The following OR2L13 variants were observed in gnomAD, a reference collection of about 807,000 sequenced individuals.
OR2L13 encodes the protein olfactory receptor family 2 subfamily L member 13, also known as olfactory receptor 2L13.
A neutral mutation model predicts 15.3 loss-of-function variants in OR2L13; 14 were observed. The ratio of observed to expected loss-of-function variants is 0.91; its 90% confidence interval spans 0.60 to 1.43. The LOEUF (loss-of-function observed/expected upper bound fraction) is 1.43. OR2L13 is among the 40% of genes most tolerant of loss of function. The pLI is 0.00. For missense variants in OR2L13, 367 were observed against 387.9 expected (o/e 0.95, Z 0.45); for synonymous variants, 152 against 142.9 (o/e 1.06, Z -0.45).
the OR2L13 span, among the ~76,000 whole-genome samples, chr1:247,981,512 AT>A: frequency 6.6e-6 from 1 of 152,176 alleles, no homozygotes; most frequent in East Asian, 1.9e-4. Flanking sequence ...TTTAATTTTT[AT>A]ATTGTGTTTA....
At chr1:248,090,506 T>G (rs1245948261), upstream of OR2L13, among the ~76,000 whole-genome samples, 1 of 152,168 alleles carries the variant, frequency 6.6e-6, no homozygotes, top group Non-Finnish European at 1.5e-5. Context: ...GTACTTAATG[T>G]TTAGCTCCCA....
chr1:248,046,012 A>G, the OR2L13 span: 1 of 152,202 alleles, frequency 6.6e-6, no homozygotes, highest in Non-Finnish European at 1.5e-5. Flanking sequence ...AAAAATTAAA[A>G]TGAACCAATA....
the OR2L13 span, among the ~76,000 whole-genome samples, chr1:248,034,620 C>G: frequency 6.6e-6 from 1 of 152,062 alleles, no homozygotes; most frequent in African/African-American, 2.4e-5. Context: ...GAATGTATTT[C>G]CATTTATCTG....
chr1:248,010,835 C>G, the OR2L13 span, among the ~76,000 whole-genome samples: 1 of 99,560 alleles, frequency 1.0e-5, no homozygotes, highest in Non-Finnish European at 1.9e-5. Flanking sequence ...TATTTTGAGT[C>G]TATGTGTGTC....
chr1:248,047,372 T>A, the OR2L13 span, among the ~76,000 whole-genome samples: 1 of 152,166 alleles, frequency 6.6e-6, no homozygotes, highest in African/African-American at 2.4e-5. Flanking sequence ...ATGAAATGCC[T>A]GGAAAGTATT....
At chr1:248,069,535 G>T in the OR2L13 span, among the ~76,000 whole-genome samples, 1 of 152,124 alleles carries the variant, frequency 6.6e-6, no homozygotes, top group African/African-American at 2.4e-5. Flanking sequence ...AAATTGTAAA[G>T]ACCATCGATG....
chr1:248,038,823 C>T, the OR2L13 span: 1 of 1,614,170 alleles, frequency 6.2e-7, no homozygotes, highest in Non-Finnish European at 8.5e-7. Flanking sequence ...TATGTTGACG[C>T]TAGCCTGCAC....
chr1:248,100,225 C>T lies in OR2L13; in HGVS notation c.850C>T (p.Leu284Phe), dbSNP rs375019498. The T allele has an allele frequency of 1.5e-5, 24 of 1,613,166 alleles. No individual in the cohort carries two copies. The highest frequency in any genetic ancestry group is 1.7e-5 in the Non-Finnish European group (20 of 1,179,270). Residue 284 changes from leucine to phenylalanine, a missense_variant, in exon 3 of 3, where the codon CTC becomes TTC. Coordinates refer to ENST00000641714, the Ensembl canonical transcript of OR2L13. ...CTTCTACACCATCCTTACCCCCATGCTCAATCCCATTATCTACAGCCTGAG... is the reference window on the plus strand; with the variant it reads ...CTTCTACACCATCCTTACCCCCATGTTCAATCCCATTATCTACAGCCTGAG...
At chr1:248,022,049 C>T in the OR2L13 span, 1 of 1,613,914 alleles carries the variant, frequency 6.2e-7, no homozygotes, top group Non-Finnish European at 8.5e-7. Flanking sequence ...TTCTCATTTT[C>T]CTAATGGCTC....
At chr1:248,041,510 A>G in the OR2L13 span, 2 of 152,142 alleles carry the variant, frequency 1.3e-5, no homozygotes, top group African/African-American at 4.8e-5. Flanking sequence ...TTGACAATTG[A>G]GATCTAATTA....
chr1:248,083,545 T>C, the OR2L13 span: 4 of 942,692 alleles, frequency 4.2e-6, no homozygotes, highest in Admixed American at 9.2e-5. Flanking sequence ...ACAAACTTAA[T>C]TTTCTGTTCA....
chr1:248,080,498 A>G, the OR2L13 span, among the ~76,000 whole-genome samples: 1 of 152,078 alleles, frequency 6.6e-6, no homozygotes, highest in Non-Finnish European at 1.5e-5. Context: ...TCATTCTTCA[A>G]CTTCCACTTA....
At chr1:248,071,156 A>T in the OR2L13 span, among the ~76,000 whole-genome samples, 2 of 152,168 alleles carry the variant, frequency 1.3e-5, no homozygotes, top group East Asian at 1.9e-4. Context: ...TACCAAAGCC[A>T]GGCAGAGACA....
the OR2L13 span, among the ~76,000 whole-genome samples, chr1:248,065,101 A>G: frequency 1.2e-4 from 18 of 152,260 alleles, no homozygotes; most frequent in Admixed American, 2.0e-4. Flanking sequence ...AAGTTGGACA[A>G]TAATTCCTCT....
chr1:248,033,228 T>G, the OR2L13 span, among the ~76,000 whole-genome samples: 1 of 152,178 alleles, frequency 6.6e-6, no homozygotes, highest in African/African-American at 2.4e-5. Flanking sequence ...CACTTAGGTC[T>G]TTGATTTATT....
chr1:247,950,723 A>G, the OR2L13 span, among the ~76,000 whole-genome samples: 2 of 152,234 alleles, frequency 1.3e-5, no homozygotes, highest in East Asian at 1.9e-4. Flanking sequence ...ATAGAAATAG[A>G]TAATAGACTG....
At chr1:248,043,824 T>C in the OR2L13 span, among the ~76,000 whole-genome samples, 777 of 152,190 alleles carry the variant, frequency 5.1e-3, 6 homozygotes, top group African/African-American at 0.017. Context: ...TGTTTATATA[T>C]AGAATAAAAA....
the OR2L13 span, among the ~76,000 whole-genome samples, chr1:248,082,248 A>C: frequency 8.2e-5 from 12 of 145,496 alleles, no homozygotes; most frequent in Admixed American, 2.8e-4. Flanking sequence ...AAGAACAAAA[A>C]ACCAAACACC....
the OR2L13 span, among the ~76,000 whole-genome samples, chr1:247,999,382 A>G: frequency 6.6e-6 from 1 of 152,110 alleles, no homozygotes; most frequent in Non-Finnish European, 1.5e-5. Context: ...GAGCTGATGC[A>G]CTATTGTGGG....
Sources: allele counts gnomAD v4.1 joint callset (sites outside exome capture counted in the v4.1 genomes callset), GRCh38; gene constraint gnomAD v4.1.1; transcripts MANE v1.5; gene names NCBI Gene and HGNC (gene_info 2026-07-23, HGNC 2026-07-21).